Variants in STIM2 observed in about 807,000 individuals in gnomAD.
The protein encoded by STIM2 is stromal interaction molecule 2.
STIM2 carries 31 observed loss-of-function variants against 85.8 expected under a neutral mutation model. That is an observed-to-expected ratio of 0.36 (90% CI 0.27 to 0.49). The LOEUF is 0.49. STIM2 is among the 20% of genes least tolerant of loss of function. The pLI, the probability that STIM2 is intolerant of heterozygous loss-of-function variation, is 0.98. For missense variants in STIM2, 841 were observed against 927.6 expected, an observed-to-expected ratio of 0.91 and a Z score of 1.21; for synonymous variants, 356 against 331.1, an observed-to-expected ratio of 1.08 and a Z score of -0.82.
intron 3 of STIM2, among the ~76,000 whole-genome samples, chr4:26,963,019 A>G (rs1417408272): frequency 1.3e-5 from 2 of 152,150 alleles, no homozygotes; most frequent in Non-Finnish European, 2.9e-5. Flanking sequence ...GATAATGTTT[A>G]TTTATTTAAG....
At chr4:26,934,161 TCTGGC>T (rs1368109475) in intron 2 of STIM2, among the ~76,000 whole-genome samples, 5 of 151,958 alleles carry the variant, frequency 3.3e-5, no homozygotes, top group Non-Finnish European at 5.9e-5. Context: ...GCCCCTGCCC[TCTGGC>T]CTGGGCAAAA....
chr4:26,899,355 T>C (rs1419990850), intron 1 of STIM2, among the ~76,000 whole-genome samples: 1 of 152,174 alleles, frequency 6.6e-6, no homozygotes, highest in Non-Finnish European at 1.5e-5. Flanking sequence ...TTTACATTTA[T>C]GTTCATGAAT....
chr4:26,867,147 A>G (rs1468835852), intron 1 of STIM2, among the ~76,000 whole-genome samples: 1 of 152,196 alleles, frequency 6.6e-6, no homozygotes, highest in Non-Finnish European at 1.5e-5. Context: ...TATAAAATCG[A>G]CTTTATTCTT....
intron 2 of STIM2, among the ~76,000 whole-genome samples, chr4:26,953,297 G>A (rs946518636): frequency 4.6e-5 from 7 of 152,062 alleles, no homozygotes; most frequent in African/African-American, 1.4e-4. Flanking sequence ...TTTAAACTTT[G>A]ACATTGATTC....
intron 3 of STIM2, among the ~76,000 whole-genome samples, chr4:26,986,552 A>G (rs1236743700): frequency 1.3e-5 from 2 of 152,240 alleles, no homozygotes; most frequent in Admixed American, 6.5e-5. Flanking sequence ...GTAAATACAT[A>G]TATTTTAATC....
At chr4:26,932,423 T>C (rs990662496) in intron 2 of STIM2, among the ~76,000 whole-genome samples, 3 of 152,186 alleles carry the variant, frequency 2.0e-5, no homozygotes, top group African/African-American at 7.2e-5. Context: ...ACCACACAGA[T>C]TTTTCAGTGA....
In STIM2 at chr4:27,009,000, CCGG is replaced by C. The variant is rs1259949088; in HGVS notation, c.1488_1489+1del. The C allele has an allele frequency of 6.2e-7, 1 of 1,608,256 alleles. No homozygotes were observed. Among genetic ancestry groups the C allele is most frequent in the Non-Finnish European group, 8.5e-7 (1 of 1,176,906 alleles). On this transcript the variant is annotated splice_donor_variant and coding_sequence_variant, in exon 10 of 12. Coordinates refer to ENST00000467087, the MANE Select transcript of STIM2 (RefSeq NM_020860.4). LOFTEE classifies it high-confidence loss of function. ...ACACCCCCAATAGTGTCACAATTTC[CCGG>C]TAAGTGGCAATTTCAACAAAAATTG... is the stretch of plus-strand genomic sequence containing the variant.
chr4:27,012,859 G>A (rs754271004), intron 10 of STIM2, among the ~76,000 whole-genome samples: 4 of 151,552 alleles, frequency 2.6e-5, no homozygotes, highest in Non-Finnish European at 5.9e-5. Flanking sequence ...GGTTTTTTTT[G>A]GTTAATCAGT....
intron 1 of STIM2, among the ~76,000 whole-genome samples, chr4:26,902,465 T>G (rs1227151345): frequency 1.3e-5 from 2 of 152,156 alleles, no homozygotes; most frequent in African/African-American, 2.4e-5. Flanking sequence ...ACGTCTTTCT[T>G]GACAAAGCCG....
chr4:27,000,814 GTTT>G (rs34023366), intron 5 of STIM2, among the ~76,000 whole-genome samples: 2 of 148,800 alleles, frequency 1.3e-5, no homozygotes, highest in Non-Finnish European at 3.0e-5. Flanking sequence ...ACATTTTAAA[GTTT>G]TTTTTTTTTT....
intron 1 of STIM2, among the ~76,000 whole-genome samples, chr4:26,910,950 T>C (rs934152472): frequency 6.6e-6 from 1 of 151,926 alleles, no homozygotes; most frequent in African/African-American, 2.4e-5. Context: ...GTTTAAAGCA[T>C]TTGAGGTCGG....
At chr4:26,954,272 T>G (rs1726164218) in intron 2 of STIM2, among the ~76,000 whole-genome samples, 1 of 152,180 alleles carries the variant, frequency 6.6e-6, no homozygotes, top group Non-Finnish European at 1.5e-5. Flanking sequence ...TAGAAGAGTT[T>G]ATTTAAAAGA....
rs183503523 is a variant in STIM2 at position 26,906,444 on chromosome 4, T to G, written c.152-13060T>G. ...ACCCAAAATACAAGTTTGTTTGTTT[T>G]TTTTTTTTTTTTTTGAAAAGCTATT... On this transcript the variant is annotated intron_variant, in intron 1 of 11. Coordinates refer to ENST00000467087, the MANE Select transcript of STIM2 (RefSeq NM_020860.4). 7.0e-3 allele frequency among the ~76,000 whole-genome samples: 978 copies of G among 140,160 alleles called. 20 individuals are homozygous for G. The highest frequency in any genetic ancestry group is 0.044 in the Admixed American group (636 of 14,458). The allele number at this position is 140,160 out of a possible 152,430, so 92.0% of individuals were successfully genotyped here.
chr4:26,968,251 C>T (rs1202053927), intron 3 of STIM2, among the ~76,000 whole-genome samples: 2 of 152,170 alleles, frequency 1.3e-5, no homozygotes, highest in East Asian at 3.9e-4. Flanking sequence ...CACACACACA[C>T]ACTCAAATCT....
At chr4:26,929,166 C>T (rs1449938422) in intron 2 of STIM2, among the ~76,000 whole-genome samples, 1 of 152,112 alleles carries the variant, frequency 6.6e-6, no homozygotes, top group Non-Finnish European at 1.5e-5. Context: ...TATTGGGTTA[C>T]ATGAAATATA....
At chr4:26,996,463 A>T (rs1022528805) in intron 4 of STIM2, among the ~76,000 whole-genome samples, 5 of 152,130 alleles carry the variant, frequency 3.3e-5, no homozygotes, top group Non-Finnish European at 5.9e-5. Flanking sequence ...CAACTTCCTT[A>T]CATGCCCTAT....
intron 11 of STIM2, among the ~76,000 whole-genome samples, chr4:27,022,026 A>G (rs1222093260): frequency 6.6e-6 from 1 of 152,046 alleles, no homozygotes; most frequent in African/African-American, 2.4e-5. Context: ...CCCCTTTTAA[A>G]TTTGGTAGAA....
intron 1 of STIM2, among the ~76,000 whole-genome samples, chr4:26,886,362 A>G (rs1449889871): frequency 6.6e-6 from 1 of 152,230 alleles, no homozygotes; most frequent in Non-Finnish European, 1.5e-5. Flanking sequence ...TTCACTGAGG[A>G]TAAGACAGTT....
intron 3 of STIM2, 79 bp from the exon 4 acceptor site, chr4:26,995,300 A>G (rs1425238433): frequency 1.6e-5 from 12 of 739,318 alleles, no homozygotes; most frequent in African/African-American, 3.7e-5. Context: ...TAATATCTTT[A>G]TATTCTCTGA....
Sources: gnomAD v4.1 joint callset for allele counts (sites outside exome capture counted in the v4.1 genomes callset) on GRCh38, gnomAD v4.1.1 for gene constraint, MANE v1.5 for transcripts, NCBI Gene and HGNC (gene_info 2026-07-23, HGNC 2026-07-21) for gene names.